The following ME1 variants were observed in gnomAD, a reference collection of about 807,000 sequenced individuals.
The protein encoded by ME1 is malic enzyme 1.
ME1 carries 74 observed loss-of-function variants against 66.4 expected under a neutral mutation model. The observed-to-expected ratio is 1.11, with a 90% CI of 0.92 to 1.35. The LOEUF (loss-of-function observed/expected upper bound fraction) is 1.35, where lower values mean the gene tolerates loss of function less well. Among genes scored for constraint, ME1 ranks in the 40% most tolerant of loss-of-function variants. The probability of loss-of-function intolerance (pLI) is 0.00; values close to 1 mark genes in which losing one functional copy is unlikely to be tolerated. For synonymous variants in ME1, 251 were observed against 235.6 expected (o/e 1.07, Z -0.60); for missense variants, 750 against 694.1 (o/e 1.08, Z -0.90).
Position 83,283,227 on chromosome 6 carries a change from C to CAAAAAA in ME1, c.705-29495_705-29490dup, listed in dbSNP as rs71545854. Among the ~76,000 whole-genome samples, 25 of 28,908 alleles carry CAAAAAA rather than the reference C, an allele frequency of 8.6e-4. 1 individual carries two copies. The highest frequency in any genetic ancestry group is 2.0e-3 in the South Asian group (2 of 1,018). 19.0% of individuals were successfully genotyped at this position (28,908 alleles called of 152,430 possible). A position where few individuals can be genotyped will look rare whatever the true frequency, so the allele number is the denominator to read the frequency against. On this transcript the variant is annotated intron_variant, in intron 6 of 13. Coordinates refer to ENST00000369705, the MANE Select transcript of ME1 (RefSeq NM_002395.6). ...TGGGCGACAGAGCAAGACTCCGTCT[C>CAAAAAA]AAAAAAAAAAAAAAAAAAAAATGAT...
chr6:83,300,707 A>G (rs966704422), intron 6 of ME1, among the ~76,000 whole-genome samples: 1 of 144,990 alleles, frequency 6.9e-6, no homozygotes, highest in Non-Finnish European at 1.5e-5. Flanking sequence ...GTACATATCC[A>G]AAGGATTGCA....
intron 3 of ME1, among the ~76,000 whole-genome samples, chr6:83,365,220 G>T (rs3778204): frequency 0.32 from 48,707 of 152,150 alleles, 8,172 homozygotes; most frequent in Middle Eastern, 0.5. Context: ...AGCCTCCTGA[G>T]TAGCTGGGAT....
intron 6 of ME1, among the ~76,000 whole-genome samples, chr6:83,279,949 CAAG>C (rs749229184): frequency 1.1e-4 from 17 of 152,114 alleles, no homozygotes; most frequent in Non-Finnish European, 1.2e-4. Flanking sequence ...ACCACACAAG[CAAG>C]AAGAGTGTGG....
At position 83,368,414 on chromosome 6, in the gene ME1, C is replaced by T. The variant is rs1035239326; in HGVS notation, c.363-16275G>A. On this transcript the variant is annotated intron_variant, in intron 3 of 13. Transcript: ENST00000369705. ...TATCTGCAAAGCACAATAACATGAA[C>T]AAAAATTAAACGAGGCATGCTTGTA... is the stretch of plus-strand genomic sequence containing the variant. Among the ~76,000 whole-genome samples the T allele has an allele frequency of 6.9e-4, 105 of 151,702 alleles. 1 individual carries two copies. Among genetic ancestry groups the T allele is most frequent in the Non-Finnish European group, 8.1e-4 (55 of 67,924 alleles).
At chr6:83,306,502 C>T (rs1425301674) in intron 6 of ME1, among the ~76,000 whole-genome samples, 2 of 151,944 alleles carry the variant, frequency 1.3e-5, no homozygotes, top group Non-Finnish European at 2.9e-5. Flanking sequence ...ATGGATACAA[C>T]AGGAATTTAT....
rs1279628837 is a variant in ME1 at position 83,211,792 on chromosome 6, AT to A, written c.*131del. On this transcript the variant is annotated 3_prime_UTR_variant, in exon 14 of 14. Coordinates refer to ENST00000369705, the MANE Select transcript of ME1 (RefSeq NM_002395.6). ...TCCCAATTTATATCGATATTCTTCT[AT>A]CAATTTTTAGACTGTTAAAGTAAAA... The A allele has an allele frequency of 1.2e-5, 7 of 581,274 alleles. No homozygotes were observed. The highest frequency in any genetic ancestry group is 1.2e-4 in the African/African-American group (6 of 51,934). 36.0% of individuals were successfully genotyped at this position (581,274 alleles called of 1,614,324 possible).
chr6:83,280,731 G>A lies in ME1; in HGVS notation c.705-26993C>T, dbSNP rs183050054. Reference sequence around the variant, plus strand: ...AACAACTACAGTAGCTAAACAGGTGGAAATGTGTCAGAATTTTATAGCCTG... The same window carrying A: ...AACAACTACAGTAGCTAAACAGGTGAAAATGTGTCAGAATTTTATAGCCTG... On this transcript the variant is annotated intron_variant, in intron 6 of 13. Transcript: ENST00000369705. Among the ~76,000 whole-genome samples the A allele has an allele frequency of 5.8e-3, 871 of 150,968 alleles. 9 individuals are homozygous for A. Among genetic ancestry groups the A allele is most frequent in the African/African-American group, 0.02 (832 of 41,490 alleles).
At chr6:83,214,547 T>C (rs1322406545) in intron 13 of ME1, among the ~76,000 whole-genome samples, 1 of 152,232 alleles carries the variant, frequency 6.6e-6, no homozygotes, top group African/African-American at 2.4e-5. Flanking sequence ...GTTTGGAGTC[T>C]CTTAAAATCC....
At chr6:83,274,176 C>T (rs1767134773) in intron 6 of ME1, among the ~76,000 whole-genome samples, 1 of 152,148 alleles carries the variant, frequency 6.6e-6, no homozygotes, top group Non-Finnish European at 1.5e-5. Flanking sequence ...TCCATTCAGA[C>T]TTCTCTTACT....
intron 1 of ME1, among the ~76,000 whole-genome samples, chr6:83,412,706 T>C (rs1198173467): frequency 6.6e-6 from 1 of 152,074 alleles, no homozygotes; most frequent in Non-Finnish European, 1.5e-5. Context: ...AGATGAATCA[T>C]GTTAAGTGAA....
At chr6:83,381,218 G>A (rs981188079) in intron 3 of ME1, among the ~76,000 whole-genome samples, 2 of 152,030 alleles carry the variant, frequency 1.3e-5, no homozygotes, top group African/African-American at 4.8e-5. Flanking sequence ...TAGGTGCACA[G>A]AAATGAAATG....
intron 3 of ME1, among the ~76,000 whole-genome samples, chr6:83,355,301 T>C (rs1210257105): frequency 6.6e-6 from 1 of 152,188 alleles, no homozygotes; most frequent in Non-Finnish European, 1.5e-5. Flanking sequence ...TTTTGTTACA[T>C]GCATAGCTTG....
intron 6 of ME1, among the ~76,000 whole-genome samples, chr6:83,304,472 C>T (rs949477788): frequency 6.6e-6 from 1 of 152,172 alleles, no homozygotes; most frequent in African/African-American, 2.4e-5. Context: ...TAAATTTCGA[C>T]ACATCTCAAT....
chr6:83,220,052 A>G (rs766042272), intron 12 of ME1, among the ~76,000 whole-genome samples: 5 of 152,182 alleles, frequency 3.3e-5, no homozygotes, highest in Non-Finnish European at 5.9e-5. Flanking sequence ...AACTATTTAT[A>G]TGACATAATA....
intron 6 of ME1, among the ~76,000 whole-genome samples, chr6:83,275,407 C>T (rs901038809): frequency 8.0e-5 from 12 of 150,520 alleles, no homozygotes; most frequent in Admixed American, 4.0e-4. Flanking sequence ...TAGTATAAAC[C>T]GAACCATATT....
At chr6:83,402,009 C>CGTAG (rs555806400) in intron 2 of ME1, among the ~76,000 whole-genome samples, 200 of 152,330 alleles carry the variant, frequency 1.3e-3, no homozygotes, top group African/African-American at 4.6e-3. Flanking sequence ...AAATGCCTTA[C>CGTAG]CTACCCTCAT....
intron 1 of ME1, among the ~76,000 whole-genome samples, chr6:83,409,304 T>C (rs1187254761): frequency 6.6e-6 from 1 of 152,238 alleles, no homozygotes; most frequent in Non-Finnish European, 1.5e-5. Flanking sequence ...TCAACCTGGA[T>C]AGGTAAGAAT....
intron 3 of ME1, chr6:83,393,039 G>T: frequency 7.8e-7 from 1 of 1,286,248 alleles, no homozygotes. Context: ...CTCTACTGGT[G>T]CTGCCAAGGC....
intron 6 of ME1, among the ~76,000 whole-genome samples, chr6:83,266,148 T>C (rs1184579797): frequency 6.6e-6 from 1 of 152,170 alleles, no homozygotes; most frequent in South Asian, 2.1e-4. Flanking sequence ...AAGATAACAA[T>C]CATTCAGATC....
Sources: gnomAD v4.1 joint callset for allele counts (sites outside exome capture counted in the v4.1 genomes callset) on GRCh38, gnomAD v4.1.1 for gene constraint, MANE v1.5 for transcripts, NCBI Gene and HGNC (gene_info 2026-07-23, HGNC 2026-07-21) for gene names.